The following GRIP1 variants were observed in gnomAD, a reference collection of about 807,000 sequenced individuals.
The protein encoded by GRIP1 is glutamate receptor interacting protein 1, also known as glutamate receptor-interacting protein 1.
GRIP1 carries 45 observed loss-of-function variants against 129.9 expected under a neutral mutation model. That is an observed-to-expected ratio of 0.35 (90% CI 0.27 to 0.44). The LOEUF is 0.44. GRIP1 is among the 20% of genes least tolerant of loss of function. The probability of loss-of-function intolerance (pLI) is 1.00; values close to 1 mark genes in which losing one functional copy is unlikely to be tolerated. For missense variants in GRIP1, 1,196 were observed against 1,396.8 expected, an observed-to-expected ratio of 0.86 and a Z score of 2.29; for synonymous variants, 530 against 520.8, an observed-to-expected ratio of 1.02 and a Z score of -0.24.
chr12:66,966,282 T>C (rs946298552), intron 1 of GRIP1, among the ~76,000 whole-genome samples: 4 of 152,324 alleles, frequency 2.6e-5, no homozygotes, highest in South Asian at 2.1e-4. Context: ...TATACTTACA[T>C]TGATTTTTCT....
chr12:66,555,551 C>A (rs764047409), intron 2 of GRIP1, among the ~76,000 whole-genome samples: 1 of 152,088 alleles, frequency 6.6e-6, no homozygotes, highest in East Asian at 1.9e-4. Context: ...AAAAACATGA[C>A]CTCATCAACT....
At chr12:66,442,003 G>A (rs142177042) in intron 13 of GRIP1, among the ~76,000 whole-genome samples, 1 of 152,244 alleles carries the variant, frequency 6.6e-6, no homozygotes, top group East Asian at 1.9e-4. Context: ...CTACCACTGT[G>A]TCAAGCCACT....
At chr12:66,354,067 CA>C (rs2054361029) in intron 23 of GRIP1, among the ~76,000 whole-genome samples, 3 of 152,176 alleles carry the variant, frequency 2.0e-5, no homozygotes, top group African/African-American at 7.2e-5. Context: ...CTGGAACCCC[CA>C]ATGAGCACCA....
intron 1 of GRIP1, among the ~76,000 whole-genome samples, chr12:66,637,557 T>C (rs985624876): frequency 9.8e-5 from 14 of 142,230 alleles, no homozygotes; most frequent in Non-Finnish European, 1.6e-4. Context: ...ATATCTCTCC[T>C]CTTGTTATTT....
At chr12:66,790,812 TACA>T (rs2038507813) in intron 1 of GRIP1, among the ~76,000 whole-genome samples, 2 of 151,794 alleles carry the variant, frequency 1.3e-5, no homozygotes, top group South Asian at 4.2e-4. Flanking sequence ...ACATCTAAAT[TACA>T]AAACGAGGGA....
chr12:66,502,635 G>T (rs1304072164), intron 7 of GRIP1, among the ~76,000 whole-genome samples: 1 of 152,084 alleles, frequency 6.6e-6, no homozygotes, highest in Non-Finnish European at 1.5e-5. Flanking sequence ...TTAAAATTGT[G>T]TGGTACCCTC....
intron 1 of GRIP1, among the ~76,000 whole-genome samples, chr12:66,622,308 T>C (rs750691294): frequency 4.1e-4 from 63 of 151,964 alleles, no homozygotes; most frequent in Non-Finnish European, 7.2e-4. Flanking sequence ...GGATGGGTAA[T>C]GGGTACAAAA....
At chr12:66,824,754 C>T (rs2039379276) in intron 1 of GRIP1, among the ~76,000 whole-genome samples, 1 of 151,880 alleles carries the variant, frequency 6.6e-6, no homozygotes, top group Non-Finnish European at 1.5e-5. Flanking sequence ...AATAAGAAGG[C>T]TAGAAAAATG....
chr12:66,541,002 G>C (rs11837040), intron 3 of GRIP1, among the ~76,000 whole-genome samples: 41,375 of 151,226 alleles, frequency 0.27, 5,826 homozygotes, highest in Middle Eastern at 0.33. Flanking sequence ...TTTTAGTAGA[G>C]ATGGGTTTCA....
chr12:66,677,216 T>G (rs1033605973), intron 1 of GRIP1, among the ~76,000 whole-genome samples: 14 of 152,302 alleles, frequency 9.2e-5, no homozygotes, highest in African/African-American at 3.4e-4. Flanking sequence ...AAATCTCCTT[T>G]CAATGCAGGA....
At chr12:66,949,291 A>T (rs557782199) in intron 1 of GRIP1, among the ~76,000 whole-genome samples, 1 of 152,312 alleles carries the variant, frequency 6.6e-6, no homozygotes, top group South Asian at 2.1e-4. Context: ...GTTGCACCTG[A>T]TTCCTAGAGA....
intron 1 of GRIP1, among the ~76,000 whole-genome samples, chr12:66,993,040 G>A (rs573704557): frequency 6.6e-6 from 1 of 152,080 alleles, no homozygotes; most frequent in Admixed American, 6.6e-5. Context: ...CTTGAGCCCA[G>A]GAGGCGGACA....
intron 1 of GRIP1, among the ~76,000 whole-genome samples, chr12:66,674,256 A>G (rs2034219847): frequency 6.6e-6 from 1 of 152,326 alleles, no homozygotes; most frequent in Non-Finnish European, 1.5e-5. Flanking sequence ...AGGAACCACA[A>G]GGCTAGACAC....
intron 15 of GRIP1, among the ~76,000 whole-genome samples, chr12:66,414,045 G>A (rs2057495357): frequency 6.6e-6 from 1 of 152,020 alleles, no homozygotes; most frequent in South Asian, 2.1e-4. Context: ...CACAAGACAA[G>A]GATGCCCTCT....
intron 1 of GRIP1, among the ~76,000 whole-genome samples, chr12:66,598,354 T>C (rs1400149256): frequency 6.6e-6 from 1 of 152,224 alleles, no homozygotes; most frequent in Non-Finnish European, 1.5e-5. Context: ...GTTTCATGTT[T>C]ATATTTAATT....
At chr12:66,767,128 G>A (rs567223065) in intron 1 of GRIP1, among the ~76,000 whole-genome samples, 1 of 152,158 alleles carries the variant, frequency 6.6e-6, no homozygotes, top group South Asian at 2.1e-4. Context: ...AACCTAATCA[G>A]CTTTAAATAT....
intron 1 of GRIP1, among the ~76,000 whole-genome samples, chr12:66,719,279 T>C (rs1414042473): frequency 6.6e-6 from 1 of 152,140 alleles, no homozygotes; most frequent in Admixed American, 6.6e-5. Flanking sequence ...AAAATTCCCA[T>C]GGAGGAAGAA....
chr12:66,519,237 G>C (rs1165532774), intron 5 of GRIP1, among the ~76,000 whole-genome samples: 1 of 152,184 alleles, frequency 6.6e-6, no homozygotes, highest in Non-Finnish European at 1.5e-5. Context: ...TGATTGATTG[G>C]TAAAAGCTCT....
At chr12:66,759,250 C>T (rs2037395818) in intron 1 of GRIP1, among the ~76,000 whole-genome samples, 2 of 152,250 alleles carry the variant, frequency 1.3e-5, no homozygotes, top group South Asian at 4.1e-4. Context: ...AGGCTTGGGA[C>T]TTCCATCCTC....
Sources: gnomAD v4.1 joint callset for allele counts (sites outside exome capture counted in the v4.1 genomes callset) on GRCh38, gnomAD v4.1.1 for gene constraint, MANE v1.5 for transcripts, NCBI Gene and HGNC (gene_info 2026-07-23, HGNC 2026-07-21) for gene names.